The following UBN2 variants were observed in gnomAD, a reference collection of about 807,000 sequenced individuals.
The protein encoded by UBN2 is ubinuclein-2.
A neutral mutation model predicts 120.2 loss-of-function variants in UBN2; 35 were observed. That is an observed-to-expected ratio of 0.29 (90% confidence interval 0.22 to 0.39). The LOEUF (loss-of-function observed/expected upper bound fraction) is 0.39. UBN2 is among the 10% of genes least tolerant of loss of function. The pLI, the probability that UBN2 is intolerant of heterozygous loss-of-function variation, is 1.00. For synonymous variants in UBN2, 661 were observed against 648.7 expected, an observed-to-expected ratio of 1.02 and a Z score of -0.29; for missense variants, 1,693 against 1,663.2, an observed-to-expected ratio of 1.02 and a Z score of -0.31.
intron 5 of UBN2, 89 bp from the exon 6 acceptor site, chr7:139,261,160 AATT>A (rs1796919026): frequency 2.1e-6 from 3 of 1,425,418 alleles, no homozygotes; most frequent in Admixed American, 4.8e-5. Flanking sequence ...TCACCTGTCA[AATT>A]ATTATTTTAA....
At chr7:139,317,926 G>A in the UBN2 span, among the ~76,000 whole-genome samples, 2 of 152,186 alleles carry the variant, frequency 1.3e-5, no homozygotes, top group East Asian at 3.9e-4. Flanking sequence ...GCCTCCCAAA[G>A]TGCTGGGATT....
At chr7:139,279,284 A>G in intron 12 of UBN2, 34 bp from the exon 13 acceptor site, 1 of 1,562,700 alleles carries the variant, frequency 6.4e-7, no homozygotes, top group Non-Finnish European at 8.8e-7. Flanking sequence ...TATAACTGCT[A>G]CTGAAATAGC....
rs1796833772 is a variant in UBN2 at position 139,258,569 on chromosome 7, G to A, written c.745G>A (p.Ala249Thr). The A allele has an allele frequency of 1.9e-6, 3 of 1,607,730 alleles. No homozygotes were observed. The highest frequency in any genetic ancestry group is 2.7e-5 in the African/African-American group (2 of 74,418). Residue 249 changes from alanine to threonine, a missense_variant, in exon 4 of 18, where the codon GCT (alanine) becomes ACT (threonine). This residue lies in a region of UBN2 where 663 missense variants were observed against 591.2 expected (regional missense o/e 1.12). Transcript: ENST00000473989. ...INTGTLQFRQ[A>T]SDTEEDDITD... ...CACTGGCACTCTACAGTTTCGCCAA[G>A]CTTCAGATACTGAAGAAGATGATAT... is the stretch of plus-strand genomic sequence containing the variant.
At chr7:139,242,280 A>G (rs1796341496) in intron 2 of UBN2, among the ~76,000 whole-genome samples, 1 of 152,174 alleles carries the variant, frequency 6.6e-6, no homozygotes, top group Non-Finnish European at 1.5e-5. Context: ...CATATCAATT[A>G]CTCATATTAT....
At chr7:139,261,973 C>T (rs1322017096) in intron 6 of UBN2, among the ~76,000 whole-genome samples, 3 of 140,108 alleles carry the variant, frequency 2.1e-5, no homozygotes, top group Non-Finnish European at 4.6e-5. Context: ...TTAGTAGAGA[C>T]GGGGTTTCAC....
the UBN2 span, among the ~76,000 whole-genome samples, chr7:139,317,664 GT>G: frequency 6.7e-6 from 1 of 149,824 alleles, no homozygotes; most frequent in Non-Finnish European, 1.5e-5. Flanking sequence ...TGTTGTTTTG[GT>G]TTTTTTTTCT....
Position 139,231,709 on chromosome 7 carries a change from C to T in UBN2, c.225C>T (p.Arg75=), listed in dbSNP as rs1796016051. The change falls in exon 1 of 18, where the codon CGC becomes CGT. Residue 75 remains arginine (R), a synonymous_variant. Coordinates refer to ENST00000473989, the MANE Select transcript of UBN2 (RefSeq NM_173569.4). ...PPSREKPLPQ[R]EVSRAEPPMS... ...CGCGGGAGAAGCCGCTCCCCCAGCG[C>T]GAGGTCAGCCGCGCCGAGCCGCCCA... is the stretch of plus-strand genomic sequence containing the variant. 1 of 1,177,466 alleles carries T rather than the reference C, an allele frequency of 8.5e-7. No homozygotes were observed. Among genetic ancestry groups the T allele is most frequent in the Middle Eastern group, 3.5e-4 (1 of 2,890 alleles). 72.9% of individuals were successfully genotyped at this position (1,177,466 alleles called of 1,614,324 possible). A position where few individuals can be genotyped will look rare whatever the true frequency, so the allele number is the denominator to read the frequency against.
At chr7:139,310,142 A>G (rs542807791), downstream of UBN2, among the ~76,000 whole-genome samples, 8 of 152,296 alleles carry the variant, frequency 5.3e-5, no homozygotes, top group African/African-American at 1.4e-4. Flanking sequence ...AGACCTTAGT[A>G]GATCCTAACA....
At chr7:139,266,226 CAAAAAAAAAAAAAAAA>C (rs377760158) in intron 6 of UBN2, 91 bp from the exon 7 acceptor site, 1 of 312,426 alleles carries the variant, frequency 3.2e-6, no homozygotes, top group Non-Finnish European at 5.3e-6. Context: ...GGCCCTATCT[CAAAAAAAAAAAAAAAA>C]AAAGAAAAAA....
At chr7:139,250,494 A>G (rs1226005042) in intron 2 of UBN2, among the ~76,000 whole-genome samples, 1 of 151,914 alleles carries the variant, frequency 6.6e-6, no homozygotes, top group African/African-American at 2.4e-5. Context: ...TCGACCTCCC[A>G]AAGTGCTGGG....
Position 139,273,316 on chromosome 7 carries a change from C to A in UBN2, c.1735C>A (p.Arg579=). The change falls in exon 10 of 18, where the codon CGA becomes AGA. Residue 579 remains arginine, a synonymous_variant. Transcript: ENST00000473989. The part of the protein sequence containing the change: ...KCAKLQTDEE[R]EKNGSEEDDD... ...TTTTAGATTGCAGACAGATGAAGAA[C>A]GAGAAAAAAATGGATCTGAAGAGGA... 6.2e-7 allele frequency: 1 copy of A among 1,600,142 alleles called. No homozygotes were observed. Among genetic ancestry groups the A allele is most frequent in the Non-Finnish European group, 8.5e-7 (1 of 1,173,030 alleles).
rs932084636 is a variant in UBN2 at position 139,231,501 on chromosome 7, G to A, written c.17G>A (p.Arg6Lys). 2 of 1,408,404 alleles carry A rather than the reference G, an allele frequency of 1.4e-6. No homozygotes were observed. Among genetic ancestry groups the A allele is most frequent in the Non-Finnish European group, 1.9e-6 (2 of 1,073,574 alleles). 87.2% of individuals were successfully genotyped at this position (1,408,404 alleles called of 1,614,324 possible). Residue 6 changes from arginine to lysine, a missense_variant, in exon 1 of 18, where the codon AGA (arginine) becomes AAA (lysine). Physicochemically the swap from Arg to Lys is conservative, Grantham distance 26. This residue lies in a region of UBN2 where 663 missense variants were observed against 591.2 expected (regional missense o/e 1.12). Coordinates refer to ENST00000473989, the MANE Select transcript of UBN2 (RefSeq NM_173569.4). MAEPR[R>K]VAFISLSPVR... The stretch of plus-strand genomic sequence containing the variant: ...ACAGTGGGGATGGCGGAGCCGCGCA[G>A]AGTAGCGTTCATTAGCTTGTCACCG...
chr7:139,316,855 T>A, the UBN2 span, among the ~76,000 whole-genome samples: 1 of 152,140 alleles, frequency 6.6e-6, no homozygotes, highest in Non-Finnish European at 1.5e-5. Flanking sequence ...CAATTTTTAT[T>A]CTTTTGTGAA....
Position 139,284,374 on chromosome 7 carries a change from A to G in UBN2, c.3469A>G (p.Thr1157Ala). Residue 1157 changes from threonine to alanine, a missense_variant, in exon 15 of 18, where the codon ACT becomes GCT. Transcript: ENST00000473989. ...SKLTNSSSTG[T>A]VGKNSLSGIA... Reference sequence around the variant, plus strand: ...GCTAACAAACTCATCATCCACTGGAACTGTTGGGAAGAACAGCTTGAGTGG... The same window carrying G: ...GCTAACAAACTCATCATCCACTGGAGCTGTTGGGAAGAACAGCTTGAGTGG... The G allele has an allele frequency of 6.2e-7, 1 of 1,614,204 alleles. No homozygotes were observed. Among genetic ancestry groups the G allele is most frequent in the Non-Finnish European group, 8.5e-7 (1 of 1,180,024 alleles).
chr7:139,296,068 C>G (rs1391275273), intron 17 of UBN2, among the ~76,000 whole-genome samples: 6 of 152,196 alleles, frequency 3.9e-5, no homozygotes, highest in Admixed American at 3.9e-4. Context: ...TGCTTGTAAA[C>G]TGGAGACAAC....
At chr7:139,256,711 C>T (rs1163091412) in intron 3 of UBN2, among the ~76,000 whole-genome samples, 3 of 152,178 alleles carry the variant, frequency 2.0e-5, no homozygotes, top group African/African-American at 7.2e-5. Context: ...CCTCATATCA[C>T]TTATTTGCAG....
chr7:139,271,025 G>C (rs1270018215), intron 8 of UBN2, among the ~76,000 whole-genome samples: 1 of 151,916 alleles, frequency 6.6e-6, no homozygotes, highest in African/African-American at 2.4e-5. Context: ...CAGGTGATCT[G>C]CCTGCCTTGG....
chr7:139,292,871 C>CA (rs1286850464), intron 15 of UBN2, among the ~76,000 whole-genome samples: 3 of 152,154 alleles, frequency 2.0e-5, no homozygotes, highest in Admixed American at 2.0e-4. Context: ...CAGCAGTCTG[C>CA]AGCAGCCGCT....
intron 1 of UBN2, among the ~76,000 whole-genome samples, chr7:139,234,080 G>A (rs1251538428): frequency 2.6e-5 from 4 of 151,980 alleles, no homozygotes; most frequent in African/African-American, 7.2e-5. Context: ...GAAAACATAT[G>A]TTTAAGTAAA....
Sources: gnomAD v4.1 joint callset for allele counts (sites outside exome capture counted in the v4.1 genomes callset) on GRCh38, gnomAD v4.1.1 for gene constraint, gnomAD v4.1.1 regional missense constraint, MANE v1.5 for transcripts, NCBI Gene and HGNC (gene_info 2026-07-23, HGNC 2026-07-21) for gene names.